Variants in FNDC3B observed in about 807,000 individuals in gnomAD.
FNDC3B encodes fibronectin type III domain-containing protein 3B.
A neutral mutation model predicts 151.5 loss-of-function variants in FNDC3B; 12 were observed. The observed-to-expected ratio is 0.08, with a 90% CI of 0.05 to 0.13. FNDC3B has a LOEUF of 0.13. FNDC3B is among the 10% of genes least tolerant of loss of function. The pLI is 1.00. For synonymous variants in FNDC3B, 528 were observed against 549.0 expected, an observed-to-expected ratio of 0.96 and a Z score of 0.54; for missense variants, 1,214 against 1,505.3, an observed-to-expected ratio of 0.81 and a Z score of 3.20.
intron 1 of FNDC3B, among the ~76,000 whole-genome samples, chr3:172,104,512 T>G (rs1719541990): frequency 6.6e-6 from 1 of 152,142 alleles, no homozygotes; most frequent in Non-Finnish European, 1.5e-5. Context: ...ATTTGATTTT[T>G]TAAAAAGCAA....
intron 10 of FNDC3B, among the ~76,000 whole-genome samples, chr3:172,308,227 A>C (rs55686393): frequency 0.14 from 20,936 of 152,116 alleles, 1,774 homozygotes; most frequent in South Asian, 0.29. Flanking sequence ...ATTTTCATGA[A>C]ACACAATTCA....
At chr3:172,087,622 G>A (rs868729210) in intron 1 of FNDC3B, among the ~76,000 whole-genome samples, 41 of 151,972 alleles carry the variant, frequency 2.7e-4, no homozygotes, top group South Asian at 1.9e-3. Flanking sequence ...AGGTGCTGCT[G>A]ATTAAAAAAA....
At chr3:172,364,596 A>G (rs947798812) in intron 23 of FNDC3B, among the ~76,000 whole-genome samples, 1 of 152,210 alleles carries the variant, frequency 6.6e-6, no homozygotes, top group Non-Finnish European at 1.5e-5. Flanking sequence ...AGGGAGAACT[A>G]TACAAATGTG....
chr3:172,232,501 G>T (rs1647926982), intron 4 of FNDC3B, among the ~76,000 whole-genome samples: 1 of 152,146 alleles, frequency 6.6e-6, no homozygotes, highest in Non-Finnish European at 1.5e-5. Flanking sequence ...GACTTAGGGT[G>T]CAAAAACAGT....
intron 3 of FNDC3B, among the ~76,000 whole-genome samples, chr3:172,200,536 A>G (rs956157443): frequency 2.6e-5 from 4 of 152,212 alleles, no homozygotes; most frequent in African/African-American, 9.7e-5. Flanking sequence ...TGAGTTATTC[A>G]ATACTTTATT....
chr3:172,349,123 C>T (rs1166065880), intron 21 of FNDC3B, among the ~76,000 whole-genome samples: 2 of 148,456 alleles, frequency 1.3e-5, no homozygotes, highest in South Asian at 2.1e-4. Flanking sequence ...AACCCCTCCT[C>T]TACAAAAAAA....
At chr3:172,240,031 G>T (rs1305804066) in intron 4 of FNDC3B, among the ~76,000 whole-genome samples, 2 of 151,858 alleles carry the variant, frequency 1.3e-5, no homozygotes, top group Non-Finnish European at 2.9e-5. Flanking sequence ...ACCATGCCTG[G>T]CTAATATTTT....
rs571224161 is a variant in FNDC3B, at chr3:172,253,134, C to T, written c.790+1593C>T. ...TTTGAAGTACTTTGATTACTTGACT[C>T]ATTCTTTAATAATTTTCACCTTGCC... On this transcript the variant is annotated intron_variant, in intron 6 of 25. Coordinates refer to ENST00000415807, the MANE Select transcript of FNDC3B (RefSeq NM_022763.4). Among the ~76,000 whole-genome samples the T allele has an allele frequency of 1.8e-3, 270 of 152,196 alleles. 1 individual carries two copies. The highest frequency in any genetic ancestry group is 3.3e-3 in the Non-Finnish European group (227 of 68,036).
intron 1 of FNDC3B, among the ~76,000 whole-genome samples, chr3:172,068,423 C>A (rs1014342394): frequency 8.2e-6 from 1 of 122,610 alleles, no homozygotes; most frequent in Admixed American, 9.1e-5. Flanking sequence ...TGTGAGGAGC[C>A]TTTTTTTTTT....
chr3:172,334,850 T>TG, intron 14 of FNDC3B, 94 bp from the exon 15 acceptor site: 1 of 1,122,066 alleles, frequency 8.9e-7, no homozygotes, highest in Non-Finnish European at 1.3e-6. Flanking sequence ...TCTGAGTTTA[T>TG]GGGTGCCTTA....
At chr3:172,057,441 A>C (rs1197544089) in intron 1 of FNDC3B, among the ~76,000 whole-genome samples, 1 of 152,220 alleles carries the variant, frequency 6.6e-6, no homozygotes, top group African/African-American at 2.4e-5. Context: ...AGAGATGTCA[A>C]TCAATAGAAG....
intron 6 of FNDC3B, among the ~76,000 whole-genome samples, chr3:172,275,320 CA>C (rs1729381887): frequency 6.6e-6 from 1 of 152,166 alleles, no homozygotes; most frequent in African/African-American, 2.4e-5. Context: ...AATATACATG[CA>C]GAAGACATTA....
chr3:172,269,798 C>A (rs975276172), intron 6 of FNDC3B, among the ~76,000 whole-genome samples: 6 of 152,154 alleles, frequency 3.9e-5, no homozygotes, highest in Non-Finnish European at 8.8e-5. Flanking sequence ...GTGCGTGCCA[C>A]CATGCCTGGC....
intron 3 of FNDC3B, among the ~76,000 whole-genome samples, chr3:172,156,694 G>GT (rs66890930): frequency 0.011 from 1,533 of 141,808 alleles, 24 homozygotes; most frequent in African/African-American, 0.029. Context: ...GAGTTTTGAA[G>GT]TTTTTTTTTT....
chr3:172,344,192 C>T lies in FNDC3B; in HGVS notation c.2184C>T (p.Cys728=). 1 of 1,614,148 alleles carries T rather than the reference C, an allele frequency of 6.2e-7. No individual in the cohort carries two copies. The change falls in exon 19 of 26, where the codon TGC becomes TGT. Residue 728 remains cysteine (C), a synonymous_variant. Transcript: ENST00000415807. ...SEVYHGPELE[C]TVGNLLPGTV... ...TGTACCATGGCCCAGAGCTGGAGTG[C>T]ACCGTCGGCAACCTGCTTCCTGGAA... is the stretch of plus-strand genomic sequence containing the variant.
chr3:172,155,679 G>T (rs1029683439), intron 3 of FNDC3B, among the ~76,000 whole-genome samples: 6 of 152,204 alleles, frequency 3.9e-5, no homozygotes, highest in Non-Finnish European at 4.4e-5. Context: ...AAACAATTTT[G>T]TAAGAAAAGA....
chr3:172,382,188 A>C (rs1043070199), intron 25 of FNDC3B, among the ~76,000 whole-genome samples: 2 of 152,174 alleles, frequency 1.3e-5, no homozygotes, highest in Non-Finnish European at 2.9e-5. Context: ...ATGGTATCTC[A>C]TAGTAGTTTT....
chr3:172,141,534 T>C (rs1721630303), intron 3 of FNDC3B, among the ~76,000 whole-genome samples: 3 of 152,240 alleles, frequency 2.0e-5, no homozygotes, highest in African/African-American at 7.2e-5. Flanking sequence ...TTTTACATTT[T>C]CATTGAATTC....
intron 11 of FNDC3B, among the ~76,000 whole-genome samples, chr3:172,321,149 G>T (rs1196994804): frequency 6.6e-6 from 1 of 152,188 alleles, no homozygotes; most frequent in African/African-American, 2.4e-5. Context: ...GGTTACATGA[G>T]GAAGTCCTTT....
Sources: allele counts gnomAD v4.1 joint callset (sites outside exome capture counted in the v4.1 genomes callset), GRCh38; gene constraint gnomAD v4.1.1; transcripts MANE v1.5; gene names NCBI Gene and HGNC (gene_info 2026-07-23, HGNC 2026-07-21).